TRMU: variants seen among roughly 807,000 people sequenced by gnomAD.
The protein encoded by TRMU is tRNA mitochondrial 2-thiouridylase.
TRMU carries 49 observed loss-of-function variants against 46.9 expected under a neutral mutation model. The ratio of observed to expected loss-of-function variants is 1.05; its 90% CI spans 0.83 to 1.33. The LOEUF is 1.33. Among genes scored for constraint, TRMU ranks in the 40% most tolerant of loss-of-function variants. The pLI is 0.00. For missense variants in TRMU, 572 were observed against 532.4 expected, an observed-to-expected ratio of 1.07 and a Z score of -0.73; for synonymous variants, 241 against 200.9, an observed-to-expected ratio of 1.20 and a Z score of -1.69.
At chr22:46,352,846 C>T (rs1280041354) in intron 7 of TRMU, 3 of 255,640 alleles carry the variant, frequency 1.2e-5, no homozygotes, top group African/African-American at 2.2e-5. Flanking sequence ...GGACAGGCTC[C>T]GAGTCAGTCA....
At position 46,350,397 on chromosome 22, in the gene TRMU, A is replaced by G. The variant is rs751921757; in HGVS notation, c.585A>G (p.Leu195=). 20 of 1,614,204 alleles carry G rather than the reference A, an allele frequency of 1.2e-5. No homozygotes were observed. The highest frequency in any genetic ancestry group is 1.6e-4 in the Middle Eastern group (1 of 6,062). The change falls in exon 5 of 11, where the codon TTA becomes TTG. Residue 195 remains leucine, a synonymous_variant. Coordinates refer to ENST00000645190, the MANE Select transcript of TRMU (RefSeq NM_018006.5). The surrounding 1 kb of genome is among the most constrained non-coding windows in gnomAD (Gnocchi z 4.6). ...GAACCATCTTCCCTCTGGGGGGATT[A>G]ACGAAAGAGTTTGTAAAGAAAATCG... ...LRRTIFPLGG[L]TKEFVKKIAA... is the part of the protein sequence containing the mutation.
At chr22:46,356,270 G>T (rs879609624) in intron 10 of TRMU, 198 bp downstream of exon 10, 23 of 611,996 alleles carry the variant, frequency 3.8e-5, no homozygotes, top group Non-Finnish European at 3.8e-5. Context: ...TTCCACTCTG[G>T]TGTCACCAAC....
chr22:46,354,758 C>G (rs993109985), intron 8 of TRMU: 3 of 153,402 alleles, frequency 2.0e-5, no homozygotes, highest in Admixed American at 6.5e-5. Flanking sequence ...CCTCCTGTCC[C>G]TGGACGGGTC....
intron 3 of TRMU, among the ~76,000 whole-genome samples, chr22:46,344,519 A>G (rs1160165760): frequency 2.0e-5 from 3 of 152,216 alleles, no homozygotes; most frequent in Non-Finnish European, 4.4e-5. Context: ...ACACCAGCAG[A>G]CAGTTAGGAC....
chr22:46,343,843 C>A (rs891766371), intron 3 of TRMU, among the ~76,000 whole-genome samples: 4 of 151,932 alleles, frequency 2.6e-5, no homozygotes, highest in African/African-American at 9.7e-5. Context: ...TTGCTCTGTC[C>A]CACTGCAGCT....
At position 46,348,622 on chromosome 22, in the gene TRMU, G is replaced by C. The variant is rs1281053844; in HGVS notation, c.479-1669G>C. Among the ~76,000 whole-genome samples, 1 of 152,238 alleles carries C rather than the reference G, an allele frequency of 6.6e-6. No homozygotes were observed. Among genetic ancestry groups the C allele is most frequent in the Non-Finnish European group, 1.5e-5 (1 of 68,036 alleles). ...GCACGGCAGCCGGCGTGTCAGTGAG[G>C]CTCCAGCACAGGCAGCCTCCTCCAA... On this transcript the variant is annotated intron_variant, in intron 4 of 10. Transcript: ENST00000645190. The surrounding 1 kb of genome is among the most constrained non-coding windows in gnomAD (Gnocchi z 4.8).
At chr22:46,352,226 C>T (rs370760246) in intron 6 of TRMU, 38 bp from the exon 7 acceptor site, 139 of 1,613,934 alleles carry the variant, frequency 8.6e-5, no homozygotes, top group Non-Finnish European at 1.1e-4. Context: ...CTGCCCTGGG[C>T]CTAGATCTCC....
In TRMU at chr22:46,353,864, T is replaced by C. The variant is rs757601896; in HGVS notation, c.870T>C (p.Phe290=). The C allele has an allele frequency of 3.7e-6, 6 of 1,613,350 alleles. No homozygotes were observed. The highest frequency in any genetic ancestry group is 1.7e-5 in the Admixed American group (1 of 59,994). The change falls in exon 8 of 11, where the codon TTT becomes TTC. Residue 290 remains phenylalanine, a synonymous_variant. Coordinates refer to ENST00000645190, the MANE Select transcript of TRMU (RefSeq NM_018006.5). ...AGGACAGCGTCAAGGGTGACGTGTTTGTGGTGAGTGGGCCGGCCTCTGAGA... is the reference window on the plus strand; with the variant it reads ...AGGACAGCGTCAAGGGTGACGTGTTCGTGGTGAGTGGGCCGGCCTCTGAGA... ...VEKDSVKGDV[F]VAPRTDHPAL... is the part of the protein sequence containing the mutation.
At chr22:46,355,297 T>G (rs1204435377) in intron 8 of TRMU, 147 bp from the exon 9 acceptor site, 1 of 1,272,898 alleles carries the variant, frequency 7.9e-7, no homozygotes, top group Admixed American at 2.1e-5. Flanking sequence ...GAGATGAATT[T>G]CTGTGGGTAG....
Position 46,342,289 on chromosome 22 carries a change from T to G in TRMU, c.249-973T>G, listed in dbSNP as rs147742040. On this transcript the variant is annotated intron_variant, in intron 2 of 10. Coordinates refer to ENST00000645190, the MANE Select transcript of TRMU (RefSeq NM_018006.5). The surrounding 1 kb of genome is among the most constrained non-coding windows in gnomAD (Gnocchi z 4.7). The stretch of plus-strand genomic sequence containing the variant: ...TTCACAGAACTCAGAAAAACACATT[T>G]ACCAGTTTATTATAAAGGATGTTGC... Among the ~76,000 whole-genome samples, 22 of 152,292 alleles carry G rather than the reference T, an allele frequency of 1.4e-4. No individual in the cohort carries two copies. In the East Asian group the frequency reaches 4.3e-3, roughly 29 times the overall value.
At chr22:46,353,921 A>G in intron 8 of TRMU, 54 bp downstream of exon 8, 4 of 1,554,324 alleles carry the variant, frequency 2.6e-6, no homozygotes, top group Non-Finnish European at 3.5e-6. Context: ...CAGGGCCAGC[A>G]GTGCTTCCAG....
intron 9 of TRMU, 136 bp from the exon 10 acceptor site, chr22:46,355,847 TCCAGGGC>T: frequency 9.3e-7 from 1 of 1,076,202 alleles, no homozygotes; most frequent in Non-Finnish European, 1.4e-6. Context: ...TCCTGCTGCG[TCCAGGGC>T]CCAGGCTGGT....
Position 46,338,032 on chromosome 22 carries a change from T to G in TRMU, c.248+88T>G, listed in dbSNP as rs112975804. 1 of 1,568,126 alleles carries G rather than the reference T, an allele frequency of 6.4e-7. No individual in the cohort carries two copies. Among genetic ancestry groups the G allele is most frequent in the African/African-American group, 1.4e-5 (1 of 73,980 alleles). ...TCCGGTAACCAGCCAGACCGACGCC[T>G]GTGCTGCAGCCCAGCGCTCTCCCTC... On this transcript the variant is annotated intron_variant, in intron 2 of 10. Coordinates refer to ENST00000645190, the MANE Select transcript of TRMU (RefSeq NM_018006.5). The surrounding 1 kb of genome is among the most constrained non-coding windows in gnomAD (Gnocchi z 4.5).
intron 7 of TRMU, chr22:46,352,817 T>G (rs1235168642): frequency 3.7e-6 from 1 of 269,954 alleles, no homozygotes; most frequent in Non-Finnish European, 7.3e-6. Context: ...CGTGAGCCTG[T>G]GCTGTGCCTG....
chr22:46,337,479 T>C (rs2078008023), intron 1 of TRMU, among the ~76,000 whole-genome samples: 1 of 152,212 alleles, frequency 6.6e-6, no homozygotes, highest in Non-Finnish European at 1.5e-5. Context: ...TTTGTTGAGT[T>C]TCGACTATTC....
rs760758182 is a variant in TRMU at position 46,346,507 on chromosome 22, C to T, written c.441C>T (p.Pro147=). 14 of 1,612,908 alleles carry T rather than the reference C, an allele frequency of 8.7e-6. No individual in the cohort carries two copies. The highest frequency in any genetic ancestry group is 8.3e-5 in the Admixed American group (5 of 59,966). ...TTGAGCAGAAGCACGTTAAGAAGCC[C>T]GAAGGGCTTTTCAGAAATCGGTTTG... is the stretch of plus-strand genomic sequence containing the variant. ...EVFEQKHVKK[P]EGLFRNRFEV... Residue 147 remains proline, a synonymous_variant, in exon 4 of 11, where the codon CCC becomes CCT. Transcript: ENST00000645190.
intron 8 of TRMU, 125 bp from the exon 9 acceptor site, chr22:46,355,319 C>T (rs2078564387): frequency 1.1e-5 from 15 of 1,411,504 alleles, no homozygotes; most frequent in African/African-American, 1.4e-5. Flanking sequence ...ACACTTCGAG[C>T]GGTGCCAGCA....
Position 46,343,261 on chromosome 22 carries a change from G to T in TRMU, c.249-1G>T. ...ACTGAAGTCATTTTCTTTTATTCTA[G>T]TGACTTTTTGAATGAGTATGAAAAA... On this transcript the variant is annotated splice_acceptor_variant, in intron 2 of 10. Coordinates refer to ENST00000645190, the MANE Select transcript of TRMU (RefSeq NM_018006.5). LOFTEE classifies it high-confidence loss of function. 6.3e-7 allele frequency: 1 copy of T among 1,595,996 alleles called. No individual in the cohort carries two copies. Among genetic ancestry groups the T allele is most frequent in the South Asian group, 1.1e-5 (1 of 90,454 alleles).
At chr22:46,352,751 C>A (rs370038182) in intron 7 of TRMU, 4 of 332,964 alleles carry the variant, frequency 1.2e-5, no homozygotes, top group Non-Finnish European at 1.8e-5. Flanking sequence ...ATCAGGCGTC[C>A]GCGCTGGCCA....
Sources: gnomAD v4.1 joint callset for allele counts (sites outside exome capture counted in the v4.1 genomes callset) on GRCh38, gnomAD v4.1.1 for gene constraint, Gnocchi (gnomAD v3.1) non-coding constraint, MANE v1.5 for transcripts, NCBI Gene and HGNC (gene_info 2026-07-23, HGNC 2026-07-21) for gene names.